The following NUP50 variants were observed in gnomAD, a reference collection of about 807,000 sequenced individuals.
NUP50 encodes the protein nucleoporin 50.
Under a neutral mutation model 36.8 loss-of-function variants are expected in NUP50, and 14 were observed. The ratio of observed to expected loss-of-function variants is 0.38; its 90% CI spans 0.25 to 0.59. NUP50 has a LOEUF of 0.59. Ranked by LOEUF, NUP50 falls within the 20% of genes least tolerant of loss-of-function variation. NUP50 has a pLI of 0.63. For synonymous variants in NUP50, 195 were observed against 210.8 expected, an observed-to-expected ratio of 0.93 and a Z score of 0.65; for missense variants, 455 against 564.6, an observed-to-expected ratio of 0.81 and a Z score of 1.97.
Position 45,184,618 on chromosome 22 carries a change from A to G in NUP50, c.1370A>G (p.Glu457Gly). ...GTAAAAACCAGCGAGGATGCAGACG[A>G]GTTGCACAAAATTTTACTGGAGAAA... is the stretch of plus-strand genomic sequence containing the variant. The part of the protein sequence containing the change: ...IRVKTSEDAD[E>G]LHKILLEKKD... The change falls in exon 8 of 8, where the codon GAG (glutamate) becomes GGG (glycine). Residue 457 changes from glutamate (E) to glycine (G), a missense_variant. Physicochemically the swap from Glu to Gly is moderately conservative, Grantham distance 98. Transcript: ENST00000347635. The G allele has an allele frequency of 5.0e-6, 8 of 1,613,372 alleles. No individual in the cohort carries two copies. Among genetic ancestry groups the G allele is most frequent in the Non-Finnish European group, 6.8e-6 (8 of 1,179,512 alleles).
In NUP50 at chr22:45,184,636, T is replaced by G; in HGVS notation, c.1388T>G (p.Leu463Arg). The G allele has an allele frequency of 6.2e-7, 1 of 1,612,872 alleles. No homozygotes were observed. Among genetic ancestry groups the G allele is most frequent in the East Asian group, 2.2e-5 (1 of 44,874 alleles). ...GCAGACGAGTTGCACAAAATTTTAC[T>G]GGAGAAAAAGGATGCCTGAACACGC... ...EDADELHKIL[L>R]EKKDA is the part of the protein sequence containing the mutation. Residue 463 changes from leucine to arginine, a missense_variant, in exon 8 of 8, where the codon CTG becomes CGG. Leu to Arg is a moderately radical substitution (Grantham distance 102, BLOSUM62 -2). This residue lies in a region of NUP50 where 287 missense variants were observed against 345.5 expected (regional missense o/e 0.83). Coordinates refer to ENST00000347635, the MANE Select transcript of NUP50 (RefSeq NM_007172.4).
intron 7 of NUP50, 22 bp from the exon 8 acceptor site, chr22:45,184,431 G>C (rs1404416713): frequency 1.9e-6 from 3 of 1,609,318 alleles, no homozygotes; most frequent in Non-Finnish European, 1.7e-6. Context: ...AATTTTGATG[G>C]GTTTTGTTTG....
chr22:45,171,893 G>C, intron 3 of NUP50: 3 of 476,272 alleles, frequency 6.3e-6, no homozygotes. Flanking sequence ...GATAAATATA[G>C]ACAAATTCAA....
chr22:45,171,698 A>AAAG lies in NUP50; in HGVS notation c.153+15_153+16insAAG, dbSNP rs2074197507. The AAAG allele has an allele frequency of 6.2e-7, 1 of 1,607,296 alleles. No individual in the cohort carries two copies. The highest frequency in any genetic ancestry group is 8.5e-7 in the Non-Finnish European group (1 of 1,173,888). On this transcript the variant is annotated intron_variant, in intron 3 of 7. Coordinates refer to ENST00000347635, the MANE Select transcript of NUP50 (RefSeq NM_007172.4). ...TTGGATTTGAAGTGAGTGCCCCCTT[A>AAAG]CAGCTCTTGCTATTAAATACTCATT...
intron 5 of NUP50, among the ~76,000 whole-genome samples, chr22:45,179,750 G>C (rs915699153): frequency 6.6e-6 from 1 of 152,172 alleles, no homozygotes; most frequent in Non-Finnish European, 1.5e-5. Context: ...GCCAGGCCAG[G>C]TGGTGGGCGC....
intron 3 of NUP50, chr22:45,172,209 T>TC: frequency 6.5e-6 from 1 of 153,572 alleles, no homozygotes; most frequent in African/African-American, 2.4e-5. Flanking sequence ...TAAGAACTCG[T>TC]CCCCAGTACA....
At chr22:45,170,200 T>C (rs910977548) in intron 2 of NUP50, among the ~76,000 whole-genome samples, 1 of 151,762 alleles carries the variant, frequency 6.6e-6, no homozygotes, top group South Asian at 2.1e-4. Context: ...GCAATAAATA[T>C]CAGCACGCCC....
rs766617182 is a variant in NUP50, at chr22:45,181,275, T to C, written c.1004-11T>C. 2.5e-6 allele frequency: 4 copies of C among 1,577,986 alleles called. No individual in the cohort carries two copies. In the South Asian group the frequency reaches 4.6e-5, roughly 18 times the overall value. On this transcript the variant is annotated splice_polypyrimidine_tract_variant and intron_variant, in intron 5 of 7. Coordinates refer to ENST00000347635, the MANE Select transcript of NUP50 (RefSeq NM_007172.4). Reference sequence around the variant, plus strand: ...TGGAATCTTACTGAATTATTGTCATTTTTATAAAAGGTGGAGATGAAGAAG... The same window carrying C: ...TGGAATCTTACTGAATTATTGTCATCTTTATAAAAGGTGGAGATGAAGAAG...
chr22:45,167,464 A>T (rs571748813), intron 1 of NUP50, among the ~76,000 whole-genome samples: 1 of 152,176 alleles, frequency 6.6e-6, no homozygotes, highest in South Asian at 2.1e-4. Flanking sequence ...CCGTTCCCCA[A>T]CTCCTGCCCC....
At chr22:45,174,614 C>G (rs73432291) in intron 3 of NUP50, among the ~76,000 whole-genome samples, 1,986 of 152,276 alleles carry the variant, frequency 0.013, 38 homozygotes, top group African/African-American at 0.045. Context: ...CTACAAGTGA[C>G]TTTTAACTTT....
At chr22:45,170,286 T>C (rs1385494058) in intron 2 of NUP50, among the ~76,000 whole-genome samples, 2 of 151,904 alleles carry the variant, frequency 1.3e-5, no homozygotes, top group Admixed American at 1.3e-4. Flanking sequence ...TCTCTTTATC[T>C]CTTTGTCTTG....
rs983557016 is a variant in NUP50 at position 45,184,279 on chromosome 22, C to G, written c.1205-174C>G. The G allele has an allele frequency of 4.9e-5, 31 of 635,158 alleles. No individual in the cohort carries two copies. The African/African-American group carries it at 5.5e-4, about 11-fold the overall frequency. 39.3% of individuals were successfully genotyped at this position (635,158 alleles called of 1,614,324 possible). ...CCACTCCTCACAGTGAGGGCAAGTG[C>G]TCCCCGAGGCCTCCCAGTTCTCAGG... On this transcript the variant is annotated intron_variant, in intron 7 of 7. Transcript: ENST00000347635.
chr22:45,180,009 G>A (rs1481708408), intron 5 of NUP50, among the ~76,000 whole-genome samples: 1 of 152,200 alleles, frequency 6.6e-6, no homozygotes, highest in South Asian at 2.1e-4. Flanking sequence ...TTACTGTTTT[G>A]CCTTGCCCTG....
At chr22:45,165,124 AAAT>A (rs1481276169) in intron 1 of NUP50, among the ~76,000 whole-genome samples, 9 of 152,328 alleles carry the variant, frequency 5.9e-5, no homozygotes, top group Admixed American at 2.0e-4. Flanking sequence ...TATCAGGCAC[AAAT>A]AATGTTTTTT....
chr22:45,184,397 C>T (rs552260766), intron 7 of NUP50, 56 bp from the exon 8 acceptor site: 33 of 1,494,604 alleles, frequency 2.2e-5, no homozygotes, highest in Middle Eastern at 3.4e-4. Flanking sequence ...TTACAGACTC[C>T]TTTGGTGGAG....
rs1390105110 is a variant in NUP50 at position 45,178,360 on chromosome 22, G to A, written c.463G>A (p.Ala155Thr). ...TTCCAGTAAAGCTTGTGTCGGAAAT[G>A]CCTATCACAAGCAGTTGGCCGCCTT... ...LASSKACVGN[A>T]YHKQLAALNC... Residue 155 changes from alanine to threonine, a missense_variant, in exon 5 of 8, where the codon GCC (alanine) becomes ACC (threonine). This residue lies in a region of NUP50 where 166 missense variants were observed against 202.8 expected (regional missense o/e 0.82). Transcript: ENST00000347635. 6 of 1,613,838 alleles carry A rather than the reference G, an allele frequency of 3.7e-6. No homozygotes were observed. Among genetic ancestry groups the A allele is most frequent in the Non-Finnish European group, 3.4e-6 (4 of 1,179,868 alleles).
In NUP50 at chr22:45,186,764, G is replaced by A. The variant is rs1482979084; in HGVS notation, c.*2109G>A. 1.3e-5 allele frequency: 2 copies of A among 152,606 alleles called. No individual in the cohort carries two copies. Among genetic ancestry groups the A allele is most frequent in the East Asian group, 3.8e-4 (2 of 5,202 alleles). The allele number at this position is 152,606 out of a possible 1,614,324, so 9.5% of individuals were successfully genotyped here. Reference sequence around the variant, plus strand: ...TGAAAATTACAGGGAAAAATGTGATGAATATACCGTAACTCAAAATGTGAT... The same window carrying A: ...TGAAAATTACAGGGAAAAATGTGATAAATATACCGTAACTCAAAATGTGAT... On this transcript the variant is annotated 3_prime_UTR_variant, in exon 8 of 8. Coordinates refer to ENST00000347635, the MANE Select transcript of NUP50 (RefSeq NM_007172.4).
chr22:45,183,674 G>T, intron 7 of NUP50, 154 bp downstream of exon 7: 1 of 612,724 alleles, frequency 1.6e-6, no homozygotes, highest in South Asian at 2.0e-5. Context: ...TGAGTCCCAG[G>T]ATAATAGTGT....
Position 45,175,893 on chromosome 22 carries a change from G to T in NUP50, c.154-1G>T. The T allele has an allele frequency of 3.7e-6, 6 of 1,614,046 alleles. No homozygotes were observed. Among genetic ancestry groups the T allele is most frequent in the Non-Finnish European group, 4.2e-6 (5 of 1,179,980 alleles). On this transcript the variant is annotated splice_acceptor_variant, in intron 3 of 7. Coordinates refer to ENST00000347635, the MANE Select transcript of NUP50 (RefSeq NM_007172.4). LOFTEE classifies it high-confidence loss of function. The stretch of plus-strand genomic sequence containing the variant: ...ATGTGTGCTCCTCCTTCATACTTCA[G>T]TCTGACACTGGAGGAGCCTTTAAAG...
Sources: allele counts gnomAD v4.1 joint callset (sites outside exome capture counted in the v4.1 genomes callset), GRCh38; gene constraint gnomAD v4.1.1; regional missense constraint gnomAD v4.1.1; transcripts MANE v1.5; gene names NCBI Gene and HGNC (gene_info 2026-07-23, HGNC 2026-07-21).